The following TLN2 variants were observed in gnomAD, a reference collection of about 807,000 sequenced individuals.
TLN2 encodes talin 2.
Under a neutral mutation model 294.7 loss-of-function variants are expected in TLN2, and 118 were observed. That is an observed-to-expected ratio of 0.40 (90% CI 0.34 to 0.47). The LOEUF (loss-of-function observed/expected upper bound fraction) is 0.47, where lower values mean the gene tolerates loss of function less well. TLN2 is among the 20% of genes least tolerant of loss of function. The pLI is 0.84. For missense variants in TLN2, 3,083 were observed against 3,282.2 expected (o/e 0.94, Z 1.48); for synonymous variants, 1,431 against 1,304.5 (o/e 1.10, Z -2.09).
At chr15:62,481,890 G>A (rs2038121358) in intron 1 of TLN2, among the ~76,000 whole-genome samples, 1 of 147,268 alleles carries the variant, frequency 6.8e-6, no homozygotes. Flanking sequence ...TCCGCCTCCT[G>A]GGTTCAGGCG....
chr15:62,569,568 C>G (rs1195855311), intron 1 of TLN2, among the ~76,000 whole-genome samples: 1 of 152,232 alleles, frequency 6.6e-6, no homozygotes, highest in Non-Finnish European at 1.5e-5. Context: ...AAGCATGGCA[C>G]TTTCAGCTCA....
rs549578246 is a variant in TLN2 at position 62,678,418 on chromosome 15, C to T, written c.957+3097C>T. 2.0e-5 allele frequency among the ~76,000 whole-genome samples: 3 copies of T among 152,268 alleles called. No individual in the cohort carries two copies. In the South Asian group the frequency reaches 6.2e-4, roughly 32 times the overall value. ...CACTAAGGTGTTTGATAAAACTCAACATCCTTTTATTAAAAATTCTTTAAA... is the reference window on the plus strand; with the variant it reads ...CACTAAGGTGTTTGATAAAACTCAATATCCTTTTATTAAAAATTCTTTAAA... On this transcript the variant is annotated intron_variant, in intron 11 of 58. Transcript: ENST00000636159.
intron 44 of TLN2, among the ~76,000 whole-genome samples, chr15:62,782,359 G>T (rs569885992): frequency 7.9e-5 from 12 of 152,338 alleles, no homozygotes; most frequent in African/African-American, 2.6e-4. Context: ...TCTCAGGGGA[G>T]CATGGAGGAC....
intron 33 of TLN2, among the ~76,000 whole-genome samples, chr15:62,750,122 T>C (rs1006836971): frequency 6.6e-6 from 1 of 152,220 alleles, no homozygotes; most frequent in Admixed American, 6.5e-5. Context: ...AATGCCATCC[T>C]TCTGTGTTTA....
chr15:62,619,473 C>T (rs1344912679), intron 3 of TLN2, among the ~76,000 whole-genome samples: 5 of 152,208 alleles, frequency 3.3e-5, no homozygotes, highest in Non-Finnish European at 5.9e-5. Context: ...GAGTTGCACT[C>T]GATTTTTCAT....
At chr15:62,474,402 G>A (rs2140368605) in intron 1 of TLN2, among the ~76,000 whole-genome samples, 1 of 152,250 alleles carries the variant, frequency 6.6e-6, no homozygotes, top group Non-Finnish European at 1.5e-5. Context: ...CAGTGCTTTG[G>A]GAGGCTGAGG....
intron 1 of TLN2, among the ~76,000 whole-genome samples, chr15:62,477,805 G>A (rs747148900): frequency 3.6e-4 from 54 of 151,314 alleles, no homozygotes; most frequent in African/African-American, 1.3e-3. Flanking sequence ...GGGCAGGTCA[G>A]ATGCAGGGCA....
chr15:62,397,849 G>T (rs1020792817), intron 1 of TLN2, among the ~76,000 whole-genome samples: 4 of 152,128 alleles, frequency 2.6e-5, no homozygotes, highest in African/African-American at 9.7e-5. Context: ...GAGAGGGCTG[G>T]GCTGGTGTTT....
chr15:62,484,430 T>C (rs896032460), intron 1 of TLN2, among the ~76,000 whole-genome samples: 3 of 152,054 alleles, frequency 2.0e-5, no homozygotes, highest in African/African-American at 7.2e-5. Flanking sequence ...CATGGTTTTT[T>C]TTTTCTTTTT....
chr15:62,480,650 A>C (rs188795606), intron 1 of TLN2, among the ~76,000 whole-genome samples: 55 of 152,364 alleles, frequency 3.6e-4, no homozygotes, highest in African/African-American at 1.3e-3. Flanking sequence ...TTTCCATAGT[A>C]GTCTTCATCA....
intron 1 of TLN2, among the ~76,000 whole-genome samples, chr15:62,409,672 G>A (rs1198198709): frequency 4.6e-5 from 7 of 152,198 alleles, no homozygotes; most frequent in African/African-American, 1.7e-4. Context: ...AACTGCACAG[G>A]TAGTTAGGAA....
intron 9 of TLN2, among the ~76,000 whole-genome samples, chr15:62,661,057 AAAG>A (rs2053765755): frequency 1.3e-5 from 2 of 152,240 alleles, no homozygotes; most frequent in South Asian, 4.1e-4. Flanking sequence ...AGGTCAATGT[AAAG>A]AAGAATTAAC....
At chr15:62,731,367 T>G (rs758958724) in intron 28 of TLN2, among the ~76,000 whole-genome samples, 3 of 150,422 alleles carry the variant, frequency 2.0e-5, no homozygotes, top group Admixed American at 6.7e-5. Context: ...GACTGAACAT[T>G]GCTGTTTTAA....
At chr15:62,518,551 A>G (rs1467968099) in intron 1 of TLN2, among the ~76,000 whole-genome samples, 1 of 151,934 alleles carries the variant, frequency 6.6e-6, no homozygotes, top group African/African-American at 2.4e-5. Context: ...ATGGGCTAGA[A>G]CATGCAAAAT....
In TLN2 at chr15:62,840,524, C is replaced by T. The variant is rs1006032184; in HGVS notation, c.7543C>T (p.Leu2515=). 1.2e-6 allele frequency: 2 copies of T among 1,614,166 alleles called. No homozygotes were observed. Among genetic ancestry groups the T allele is most frequent in the Non-Finnish European group, 8.5e-7 (1 of 1,180,032 alleles). ...AGAAATGCTAAAGAAAGAGCGAGAA[C>T]TGGAAGAAGCAAGGAAAAAACTGGC... The part of the protein sequence containing the change: ...QEEMLKKERE[L]EEARKKLAQI... The change falls in exon 59 of 59, where the codon CTG becomes TTG. Residue 2515 remains leucine, a synonymous_variant. Transcript: ENST00000636159.
chr15:62,673,475 A>C (rs1041956650), intron 9 of TLN2, among the ~76,000 whole-genome samples: 1 of 151,326 alleles, frequency 6.6e-6, no homozygotes, highest in African/African-American at 2.4e-5. Context: ...ATTATTTTTT[A>C]AAAATACGTA....
At chr15:62,718,598 A>C (rs1178343622) in intron 24 of TLN2, among the ~76,000 whole-genome samples, 1 of 152,212 alleles carries the variant, frequency 6.6e-6, no homozygotes, top group Non-Finnish European at 1.5e-5. Flanking sequence ...AATGCACTCC[A>C]GGAAGAAAAG....
intron 1 of TLN2, among the ~76,000 whole-genome samples, chr15:62,583,235 A>C (rs2045292450): frequency 6.6e-6 from 1 of 152,216 alleles, no homozygotes; most frequent in Non-Finnish European, 1.5e-5. Flanking sequence ...TTTTTTCAGG[A>C]AATCAGTGTT....
chr15:62,588,404 G>T (rs748967386), intron 1 of TLN2, among the ~76,000 whole-genome samples: 2 of 151,452 alleles, frequency 1.3e-5, no homozygotes, highest in Non-Finnish European at 2.9e-5. Flanking sequence ...GGGAGAACCA[G>T]GTGGATGGAT....
Sources: gnomAD v4.1 joint callset for allele counts (sites outside exome capture counted in the v4.1 genomes callset) on GRCh38, gnomAD v4.1.1 for gene constraint, MANE v1.5 for transcripts, NCBI Gene and HGNC (gene_info 2026-07-23, HGNC 2026-07-21) for gene names.